The following DZANK1 variants were observed in gnomAD, a reference collection of about 807,000 sequenced individuals.
The protein encoded by DZANK1 is double zinc ribbon and ankyrin repeat-containing protein 1.
Under a neutral mutation model 94.5 loss-of-function variants are expected in DZANK1, and 91 were observed. The ratio of observed to expected loss-of-function variants is 0.96; its 90% CI spans 0.81 to 1.15. The LOEUF (loss-of-function observed/expected upper bound fraction) is 1.15, where lower values mean the gene tolerates loss of function less well. Among genes scored for constraint, DZANK1 ranks in the 50% most tolerant of loss-of-function variants. The pLI is 0.00. For synonymous variants in DZANK1, 312 were observed against 325.3 expected (o/e 0.96, Z 0.44); for missense variants, 903 against 916.4 (o/e 0.99, Z 0.19).
intron 20 of DZANK1, 83 bp from the exon 21 acceptor site, chr20:18,384,647 G>A (rs1391921355): frequency 2.8e-6 from 4 of 1,404,746 alleles, no homozygotes; most frequent in East Asian, 2.5e-5. Flanking sequence ...CTGCCATGGA[G>A]GCCAGGCTGG....
intron 17 of DZANK1, among the ~76,000 whole-genome samples, chr20:18,392,389 T>A (rs1600720515): frequency 6.6e-6 from 1 of 152,044 alleles, no homozygotes; most frequent in East Asian, 1.9e-4. Context: ...AAGAACAGAG[T>A]CCCTGCCTCC....
intron 16 of DZANK1, 103 bp from the exon 17 acceptor site, chr20:18,393,914 T>C (rs887862054): frequency 2.5e-6 from 2 of 788,974 alleles, no homozygotes; most frequent in Admixed American, 5.4e-5. Flanking sequence ...GAGGATAAAA[T>C]GGCTATCATA....
intron 2 of DZANK1, among the ~76,000 whole-genome samples, chr20:18,463,091 CA>C (rs1423178913): frequency 2.6e-5 from 4 of 152,052 alleles, no homozygotes; most frequent in African/African-American, 9.7e-5. Context: ...TTCATAATAG[CA>C]AAGACATGAA....
chr20:18,406,444 T>G (rs1348825760), intron 13 of DZANK1, among the ~76,000 whole-genome samples: 1 of 152,206 alleles, frequency 6.6e-6, no homozygotes, highest in East Asian at 1.9e-4. Flanking sequence ...AGGCAAATCC[T>G]GGGCCAGAAG....
intron 12 of DZANK1, 46 bp downstream of exon 12, chr20:18,414,302 A>G (rs9974008): frequency 1.2e-6 from 2 of 1,605,460 alleles, no homozygotes; most frequent in Non-Finnish European, 1.7e-6. Context: ...ATTCAGAGTT[A>G]CAGCCTCTTC....
exon 19 of DZANK1, chr20:18,389,812 C>G: frequency 6.2e-7 from 1 of 1,613,986 alleles, no homozygotes; most frequent in Non-Finnish European, 8.5e-7. Context: ...TTCATCACAG[C>G]AGTTGGGGTC....
chr20:18,384,403 C>T (rs777643959), exon 21 of DZANK1: 2 of 1,609,860 alleles, frequency 1.2e-6, no homozygotes, highest in South Asian at 1.1e-5. Flanking sequence ...TCAGGGCTAA[C>T]AGTCATCCAG....
At chr20:18,428,253 A>G (rs905732021) in intron 9 of DZANK1, among the ~76,000 whole-genome samples, 1 of 150,506 alleles carries the variant, frequency 6.6e-6, no homozygotes, top group African/African-American at 2.4e-5. Context: ...CAGTGGCGAG[A>G]TCTCAGCTCA....
chr20:18,447,565 T>C (rs925866965), intron 7 of DZANK1, among the ~76,000 whole-genome samples: 2 of 152,028 alleles, frequency 1.3e-5, no homozygotes, highest in Admixed American at 6.5e-5. Context: ...TGACCTCAGG[T>C]GATCCGCCCA....
chr20:18,425,515 C>A (rs1369260220), intron 10 of DZANK1, among the ~76,000 whole-genome samples: 1 of 151,078 alleles, frequency 6.6e-6, no homozygotes, highest in Non-Finnish European at 1.5e-5. Flanking sequence ...TGCACCACTG[C>A]ACCCCAGCCT....
At chr20:18,460,879 C>T (rs1164816327) in intron 2 of DZANK1, among the ~76,000 whole-genome samples, 1 of 152,318 alleles carries the variant, frequency 6.6e-6, no homozygotes, top group Middle Eastern at 3.4e-3. Context: ...TGAATGAGCT[C>T]ATTTCATCTG....
chr20:18,402,625 C>A (rs180811251), intron 13 of DZANK1, among the ~76,000 whole-genome samples: 1 of 152,238 alleles, frequency 6.6e-6, no homozygotes, highest in East Asian at 1.9e-4. Flanking sequence ...CTGAACAGCA[C>A]ACTTGAATCT....
chr20:18,414,038 T>G lies in DZANK1; in HGVS notation c.1242+310A>C, dbSNP rs894561290. Reference sequence around the variant, plus strand: ...GTTATAAATTACAAAAGCAATCTTATATACCCTAAGCTTTCTAAAATATAA... The same window carrying G: ...GTTATAAATTACAAAAGCAATCTTAGATACCCTAAGCTTTCTAAAATATAA... On this transcript the variant is annotated intron_variant, in intron 12 of 20. Coordinates refer to ENST00000262547, the Ensembl canonical transcript of DZANK1. 4.6e-5 allele frequency among the ~76,000 whole-genome samples: 7 copies of G among 152,326 alleles called. No homozygotes were observed. In the South Asian group the frequency reaches 1.4e-3, roughly 32 times the overall value.
intron 14 of DZANK1, chr20:18,398,317 GC>G (rs908547136): frequency 7.3e-6 from 4 of 550,786 alleles, no homozygotes; most frequent in Non-Finnish European, 1.3e-5. Context: ...TAGGTCAGGT[GC>G]CCCAGAAGCA....
At chr20:18,433,356 A>G (rs1440036905) in intron 9 of DZANK1, 1 of 319,678 alleles carries the variant, frequency 3.1e-6, no homozygotes, top group East Asian at 9.0e-5. Flanking sequence ...AGCCTGGCCA[A>G]GATGATGAAA....
chr20:18,462,937 T>TAAAAAAAAAAAA, intron 2 of DZANK1, among the ~76,000 whole-genome samples: 1 of 111,282 alleles, frequency 9.0e-6, no homozygotes, highest in Middle Eastern at 4.3e-3. Context: ...GACTCGGTCT[T>TAAAAAAAAAAAA]AAAAAAAAAA....
At chr20:18,402,602 C>T (rs2056744428) in intron 13 of DZANK1, among the ~76,000 whole-genome samples, 1 of 151,942 alleles carries the variant, frequency 6.6e-6, no homozygotes, top group Non-Finnish European at 1.5e-5. Flanking sequence ...ATGTATAAGC[C>T]CCACATTAAG....
rs1387066978 is a variant in DZANK1, at chr20:18,391,887, G to GT, written c.1810-1429dup. Among the ~76,000 whole-genome samples the GT allele has an allele frequency of 2.6e-5, 4 of 152,346 alleles. No individual in the cohort carries two copies. In the East Asian group the frequency reaches 5.8e-4, roughly 22 times the overall value. ...AGCTTAGAACCAAGTACTCTAATCA[G>GT]TAAACCCCCAGCAGGGGTCTTGGGG... On this transcript the variant is annotated intron_variant, in intron 17 of 20. Transcript: ENST00000262547.
At chr20:18,387,463 T>C (rs1006467702) in intron 19 of DZANK1, among the ~76,000 whole-genome samples, 2 of 152,224 alleles carry the variant, frequency 1.3e-5, no homozygotes, top group Non-Finnish European at 2.9e-5. Flanking sequence ...AATTACCTAA[T>C]GGAATAAATG....
Sources: gnomAD v4.1 joint callset for allele counts (sites outside exome capture counted in the v4.1 genomes callset) on GRCh38, gnomAD v4.1.1 for gene constraint, MANE v1.5 for transcripts, NCBI Gene and HGNC (gene_info 2026-07-23, HGNC 2026-07-21) for gene names.